Variants in PREX2 observed in about 807,000 individuals in gnomAD.
PREX2 encodes phosphatidylinositol 3,4,5-trisphosphate-dependent Rac exchanger 2 protein.
PREX2 carries 107 observed loss-of-function variants against 203.2 expected under a neutral mutation model. That is an observed-to-expected ratio of 0.53 (90% CI 0.45 to 0.62). The LOEUF is 0.62. Ranked by LOEUF, PREX2 falls within the 20% of genes least tolerant of loss-of-function variation. PREX2 has a pLI of 0.00. For synonymous variants in PREX2, 672 were observed against 663.6 expected (o/e 1.01, Z -0.19); for missense variants, 1,777 against 1,955.9 (o/e 0.91, Z 1.72).
chr8:68,039,825 A>G (rs1808141319), intron 7 of PREX2, among the ~76,000 whole-genome samples: 1 of 152,116 alleles, frequency 6.6e-6, no homozygotes, highest in South Asian at 2.1e-4. Flanking sequence ...TCTCTCCATC[A>G]TCATTACTAC....
At chr8:68,204,688 T>C (rs1407846630) in intron 37 of PREX2, among the ~76,000 whole-genome samples, 1 of 138,334 alleles carries the variant, frequency 7.2e-6, no homozygotes, top group Non-Finnish European at 1.6e-5. Context: ...CTTTTTTTTT[T>C]TTTTTTTTTT....
chr8:68,141,793 G>A (rs2129613567), intron 33 of PREX2, among the ~76,000 whole-genome samples: 1 of 152,238 alleles, frequency 6.6e-6, no homozygotes, highest in Admixed American at 6.5e-5. Context: ...ACTCCTCTGT[G>A]GGATGAATCC....
At chr8:68,033,451 C>T (rs191557432) in intron 6 of PREX2, among the ~76,000 whole-genome samples, 11 of 150,846 alleles carry the variant, frequency 7.3e-5, no homozygotes, top group Non-Finnish European at 1.5e-5. Context: ...CTAATATATG[C>T]ACCTGTCTAC....
intron 37 of PREX2, among the ~76,000 whole-genome samples, chr8:68,196,491 GTACATATATA>G (rs980195228): frequency 6.8e-6 from 1 of 146,714 alleles, no homozygotes; most frequent in African/African-American, 2.5e-5. Context: ...ATATATATAT[GTACATATATA>G]TAGTGTCTTC....
intron 37 of PREX2, among the ~76,000 whole-genome samples, chr8:68,195,778 A>G (rs1296505422): frequency 6.6e-6 from 1 of 152,210 alleles, no homozygotes; most frequent in East Asian, 1.9e-4. Flanking sequence ...AAAAGTCAAC[A>G]ATGTGGTATC....
intron 39 of PREX2, among the ~76,000 whole-genome samples, chr8:68,226,363 G>A (rs895429955): frequency 2.0e-5 from 3 of 152,172 alleles, no homozygotes; most frequent in Non-Finnish European, 4.4e-5. Flanking sequence ...CCCTGTGGAG[G>A]TGCAGAGAGA....
At chr8:67,955,514 C>A (rs1220902455) in intron 1 of PREX2, among the ~76,000 whole-genome samples, 1 of 152,208 alleles carries the variant, frequency 6.6e-6, no homozygotes, top group Non-Finnish European at 1.5e-5. Flanking sequence ...GCTTTCAAGG[C>A]TCAGTTAGCC....
chr8:68,228,870 A>C (rs567758196), intron 39 of PREX2, among the ~76,000 whole-genome samples: 50 of 140,378 alleles, frequency 3.6e-4, no homozygotes, highest in Non-Finnish European at 1.8e-4. Context: ...TGAGCCTAGG[A>C]GGTTGAGGCT....
chr8:67,988,885 G>A (rs538776221), intron 1 of PREX2, among the ~76,000 whole-genome samples: 10 of 152,320 alleles, frequency 6.6e-5, no homozygotes, highest in Non-Finnish European at 1.2e-4. Flanking sequence ...CAGCATGGCC[G>A]TAGTGATCCT....
chr8:68,217,786 T>G (rs1413806958), intron 38 of PREX2, 68 bp downstream of exon 38: 1 of 1,134,988 alleles, frequency 8.8e-7, no homozygotes, highest in Non-Finnish European at 1.3e-6. Flanking sequence ...CTTTGTTCAT[T>G]TATCAGGGGT....
At chr8:67,959,079 G>A (rs145092642) in intron 1 of PREX2, among the ~76,000 whole-genome samples, 1,574 of 152,312 alleles carry the variant, frequency 0.01, 16 homozygotes, top group Non-Finnish European at 0.017. Flanking sequence ...ACAAACAAAA[G>A]GTAGGATGTT....
At chr8:68,203,099 G>A (rs1458044987) in intron 37 of PREX2, among the ~76,000 whole-genome samples, 1 of 152,004 alleles carries the variant, frequency 6.6e-6, no homozygotes, top group Admixed American at 6.5e-5. Flanking sequence ...GACACCCCTG[G>A]GACAGCTCAA....
chr8:67,963,851 C>G (rs1412575351), intron 1 of PREX2, among the ~76,000 whole-genome samples: 1 of 152,018 alleles, frequency 6.6e-6, no homozygotes, highest in Admixed American at 6.5e-5. Flanking sequence ...TTTTTGCATT[C>G]TCTCTTAGAA....
chr8:68,082,297 T>G (rs1809554143), intron 17 of PREX2: 1 of 152,154 alleles, frequency 6.6e-6, no homozygotes, highest in South Asian at 2.1e-4. Flanking sequence ...TAACAAAATA[T>G]GGTATTTACC....
chr8:68,165,163 C>G (rs773586827), intron 35 of PREX2, among the ~76,000 whole-genome samples: 1 of 151,982 alleles, frequency 6.6e-6, no homozygotes, highest in Non-Finnish European at 1.5e-5. Context: ...AGCAGGAGTG[C>G]TGCCTCAGCT....
intron 29 of PREX2, among the ~76,000 whole-genome samples, chr8:68,120,508 C>T (rs1810750073): frequency 6.6e-6 from 1 of 152,030 alleles, no homozygotes; most frequent in Non-Finnish European, 1.5e-5. Context: ...ATGTTTAATG[C>T]CTATAGGGGC....
At chr8:68,126,250 A>G (rs973757314) in intron 30 of PREX2, among the ~76,000 whole-genome samples, 13 of 152,114 alleles carry the variant, frequency 8.5e-5, no homozygotes, top group Admixed American at 2.6e-4. Context: ...TTAGAATTCT[A>G]TACCAACTTT....
At chr8:67,952,813 C>T in intron 1 of PREX2, 2 of 532,648 alleles carry the variant, frequency 3.8e-6, no homozygotes, top group Non-Finnish European at 6.7e-6. Context: ...TCCAGGGAAT[C>T]CCGGCTGCCC....
intron 38 of PREX2, among the ~76,000 whole-genome samples, chr8:68,224,226 A>AGGCT (rs1813012613): frequency 6.6e-6 from 1 of 151,986 alleles, no homozygotes; most frequent in Non-Finnish European, 1.5e-5. Context: ...TATGTTTCCC[A>AGGCT]GGCTGGTCTT....
Sources: gnomAD v4.1 joint callset for allele counts (sites outside exome capture counted in the v4.1 genomes callset) on GRCh38, gnomAD v4.1.1 for gene constraint, MANE v1.5 for transcripts, NCBI Gene and HGNC (gene_info 2026-07-23, HGNC 2026-07-21) for gene names.